The following DYSF variants were observed in gnomAD, a reference collection of about 807,000 sequenced individuals.
The protein encoded by DYSF is dystrophy-associated fer-1-like 1.
Under a neutral mutation model 274.9 loss-of-function variants are expected in DYSF, and 212 were observed. That is an observed-to-expected ratio of 0.77 (90% CI 0.69 to 0.86). The LOEUF (loss-of-function observed/expected upper bound fraction) is 0.86. Among genes scored for constraint, DYSF ranks in the 40% least tolerant of loss-of-function variants. The probability of loss-of-function intolerance (pLI) is 0.00; values close to 1 mark genes in which losing one functional copy is unlikely to be tolerated. For missense variants in DYSF, 2,666 were observed against 2,783.2 expected (o/e 0.96, Z 0.95); for synonymous variants, 1,091 against 1,078.7 (o/e 1.01, Z -0.22).
At chr2:71,571,639 T>C (rs1159099921) in intron 29 of DYSF, among the ~76,000 whole-genome samples, 1 of 65,718 alleles carries the variant, frequency 1.5e-5, no homozygotes, top group Non-Finnish European at 2.7e-5. Flanking sequence ...ACCCAGCACA[T>C]GCAGAGATCA....
chr2:71,636,262 G>A (rs942711218), intron 41 of DYSF, among the ~76,000 whole-genome samples: 1 of 152,204 alleles, frequency 6.6e-6, no homozygotes, highest in Non-Finnish European at 1.5e-5. Context: ...AAGATCCGAT[G>A]TACATGGCTG....
In DYSF at chr2:71,556,091, C is replaced by T; in HGVS notation, c.2216+20C>T. The T allele has an allele frequency of 6.5e-7, 1 of 1,545,270 alleles. No homozygotes were observed. The highest frequency in any genetic ancestry group is 8.8e-7 in the Non-Finnish European group (1 of 1,141,164). On this transcript the variant is annotated intron_variant, in intron 22 of 55. Transcript: ENST00000410020. Reference sequence around the variant, plus strand: ...CTGCAGGTAGGGGGGACCTGGCGCCCCTGGTGCCCACCTCTCCTGGCTCAA... The same window carrying T: ...CTGCAGGTAGGGGGGACCTGGCGCCTCTGGTGCCCACCTCTCCTGGCTCAA...
intron 4 of DYSF, among the ~76,000 whole-genome samples, chr2:71,506,207 G>A (rs1287963918): frequency 1.3e-5 from 2 of 152,180 alleles, no homozygotes; most frequent in Non-Finnish European, 2.9e-5. Flanking sequence ...CGCACAATGG[G>A]CTGGGCATGG....
chr2:71,598,861 C>T (rs1341309928), intron 33 of DYSF, 116 bp downstream of exon 33: 27 of 1,202,740 alleles, frequency 2.2e-5, no homozygotes, highest in Non-Finnish European at 3.2e-5. Context: ...ACTCCACGGG[C>T]CCTAGAACAA....
intron 31 of DYSF, 47 bp downstream of exon 31, chr2:71,589,733 C>A (rs1231574726): frequency 6.6e-7 from 1 of 1,519,250 alleles, no homozygotes. Flanking sequence ...GGTGTGTCAC[C>A]TTATGCTTCT....
chr2:71,662,228 A>G (rs966177628), intron 45 of DYSF, among the ~76,000 whole-genome samples: 1 of 152,182 alleles, frequency 6.6e-6, no homozygotes, highest in Non-Finnish European at 1.5e-5. Context: ...GTCACCATGT[A>G]TTCCATGGCG....
intron 30 of DYSF, among the ~76,000 whole-genome samples, chr2:71,589,340 A>T (rs2152842070): frequency 6.6e-6 from 1 of 152,232 alleles, no homozygotes; most frequent in Non-Finnish European, 1.5e-5. Flanking sequence ...AACAACTAAA[A>T]ATTCCGTTCT....
intron 3 of DYSF, among the ~76,000 whole-genome samples, chr2:71,487,585 T>G (rs2083463608): frequency 6.6e-6 from 1 of 152,200 alleles, no homozygotes. Context: ...CTCGGCTCAC[T>G]GCAACCTCTG....
intron 30 of DYSF, among the ~76,000 whole-genome samples, chr2:71,579,909 C>T (rs749762612): frequency 6.6e-6 from 1 of 152,206 alleles, no homozygotes; most frequent in Admixed American, 6.5e-5. Flanking sequence ...GGAATGACTC[C>T]GAGCCCTAAT....
intron 1 of DYSF, among the ~76,000 whole-genome samples, chr2:71,471,779 A>C (rs2082050437): frequency 6.6e-6 from 1 of 152,138 alleles, no homozygotes; most frequent in Non-Finnish European, 1.5e-5. Flanking sequence ...AGGCCAGCCA[A>C]CAGGGTGAAA....
exon 1 of DYSF, chr2:71,453,765 G>C: frequency 1.7e-6 from 1 of 582,682 alleles, no homozygotes. Context: ...AACGCCGGCT[G>C]ACAAGCGGGG....
Position 71,503,103 on chromosome 2 carries a change from T to G in DYSF, c.240-111T>G. The G allele has an allele frequency of 4.2e-6, 4 of 944,952 alleles. No individual in the cohort carries two copies. The South Asian group carries it at 5.2e-5, about 12-fold the overall frequency. The allele number at this position is 944,952 out of a possible 1,614,324, so 58.5% of individuals were successfully genotyped here. A position where few individuals can be genotyped will look rare whatever the true frequency, so the allele number is the denominator to read the frequency against. Reference sequence around the variant, plus strand: ...GAGCCCTCGTGGGGTGCTGGGTGACTGTGTGGTCTAGGCAGACCAGCCTCA... The same window carrying G: ...GAGCCCTCGTGGGGTGCTGGGTGACGGTGTGGTCTAGGCAGACCAGCCTCA... On this transcript the variant is annotated intron_variant, in intron 3 of 55. Transcript: ENST00000410020.
rs775226458 is a variant in DYSF at position 71,665,289 on chromosome 2, T to G, written c.5302T>G (p.Ser1768Ala). Residue 1768 changes from serine to alanine, a missense_variant, in exon 47 of 56, where the codon TCC (serine) becomes GCC (alanine). Around this residue, in one of 3 missense-constraint regions of DYSF, gnomAD observed 1,460 missense variants for 1,502.1 expected, o/e 0.97. Transcript: ENST00000410020. Reference sequence around the variant, plus strand: ...TGTAATGTTTCAGGATAAAGAATATTCCATTGAAGAGATAGGTGAGCTGCC... The same window carrying G: ...TGTAATGTTTCAGGATAAAGAATATGCCATTGAAGAGATAGGTGAGCTGCC... ...DRVMFQDKEY[S>A]IEEIEAGRIP... is the part of the protein sequence containing the mutation. 1 of 1,614,064 alleles carries G rather than the reference T, an allele frequency of 6.2e-7. No individual in the cohort carries two copies. Among genetic ancestry groups the G allele is most frequent in the Non-Finnish European group, 8.5e-7 (1 of 1,180,000 alleles).
At chr2:71,481,176 C>A (rs75627277) in intron 2 of DYSF, among the ~76,000 whole-genome samples, 1 of 152,214 alleles carries the variant, frequency 6.6e-6, no homozygotes, top group Admixed American at 6.5e-5. Context: ...TGTTTCCCCC[C>A]AGCTCTGGCC....
At chr2:71,477,604 A>G (rs1346358038) in intron 1 of DYSF, among the ~76,000 whole-genome samples, 4 of 152,384 alleles carry the variant, frequency 2.6e-5, no homozygotes, top group Non-Finnish European at 4.4e-5. Context: ...ATGTGTCAAC[A>G]TCTGGGAAGA....
Position 71,478,835 on chromosome 2 carries a change from TC to T in DYSF, c.92-2047del, listed in dbSNP as rs978261392. On this transcript the variant is annotated intron_variant, in intron 1 of 55. Transcript: ENST00000410020. ...TGCTCCCTCTCACGTGCTCTCTTTC[TC>T]TTTTTTTCTCTCTCCTCTTCTTCAA... Among the ~76,000 whole-genome samples the T allele has an allele frequency of 2.3e-4, 35 of 151,966 alleles. No homozygotes were observed. In the East Asian group the frequency reaches 3.5e-3, roughly 15 times the overall value.
chr2:71,569,446 T>TA (rs1453543504), intron 26 of DYSF, among the ~76,000 whole-genome samples: 4 of 152,168 alleles, frequency 2.6e-5, no homozygotes, highest in Non-Finnish European at 5.9e-5. Flanking sequence ...TTTTTTTACT[T>TA]AAAAAAATTG....
rs559398339 is a variant in DYSF at position 71,683,400 on chromosome 2, C to T, written c.6321+723C>T. Among the ~76,000 whole-genome samples the T allele has an allele frequency of 3.2e-4, 49 of 152,298 alleles. 2 individuals carry two copies. The South Asian group carries it at 9.7e-3, about 30-fold the overall frequency. The stretch of plus-strand genomic sequence containing the variant: ...CTGTGCTTCCCCAGCCCGCACAGCT[C>T]ATCAGGGAACCCGGATCACCAGGGA... On this transcript the variant is annotated intron_variant, in intron 55 of 55. Coordinates refer to ENST00000410020, the MANE Select transcript of DYSF (RefSeq NM_001130987.2).
Position 71,494,688 on chromosome 2 carries a change from C to A in DYSF, c.240-8526C>A, listed in dbSNP as rs991249907. Among the ~76,000 whole-genome samples the A allele has an allele frequency of 7.2e-5, 11 of 152,304 alleles. No homozygotes were observed. In the South Asian group the frequency reaches 2.3e-3, roughly 32 times the overall value. ...TAGCACTGTGCCTTGGTGACTCATGCCTTGAGCCTCACCCCTTGGCTCAGG... is the reference window on the plus strand; with the variant it reads ...TAGCACTGTGCCTTGGTGACTCATGACTTGAGCCTCACCCCTTGGCTCAGG... On this transcript the variant is annotated intron_variant, in intron 3 of 55. Coordinates refer to ENST00000410020, the MANE Select transcript of DYSF (RefSeq NM_001130987.2).
Sources: allele counts gnomAD v4.1 joint callset (sites outside exome capture counted in the v4.1 genomes callset), GRCh38; gene constraint gnomAD v4.1.1; regional missense constraint gnomAD v4.1.1; transcripts MANE v1.5; gene names NCBI Gene and HGNC (gene_info 2026-07-23, HGNC 2026-07-21).